Variants in IKZF3 observed in about 807,000 individuals in gnomAD.
IKZF3 encodes the protein IKAROS family zinc finger 3.
IKZF3 carries 10 observed loss-of-function variants against 49.0 expected under a neutral mutation model. That is an observed-to-expected ratio of 0.20 (90% CI 0.13 to 0.35). The LOEUF (loss-of-function observed/expected upper bound fraction) is 0.35, where lower values mean the gene tolerates loss of function less well. IKZF3 is among the 10% of genes least tolerant of loss of function. IKZF3 has a pLI of 1.00. For missense variants in IKZF3, 498 were observed against 664.8 expected (o/e 0.75, Z 2.76); for synonymous variants, 209 against 228.2 (o/e 0.92, Z 0.76).
intron 7 of IKZF3, among the ~76,000 whole-genome samples, chr17:39,773,610 T>C (rs1449758923): frequency 7.9e-5 from 12 of 152,162 alleles, no homozygotes; most frequent in Admixed American, 7.9e-4. Context: ...AAGTAATACA[T>C]AAAACTTTTA....
chr17:39,770,499 A>T (rs1484492344), intron 7 of IKZF3, among the ~76,000 whole-genome samples: 2 of 152,072 alleles, frequency 1.3e-5, no homozygotes, highest in Non-Finnish European at 2.9e-5. Context: ...AACTGATGCA[A>T]TGTGGTGAGG....
intron 3 of IKZF3, among the ~76,000 whole-genome samples, chr17:39,819,456 C>G (rs1226046689): frequency 6.6e-6 from 1 of 152,062 alleles, no homozygotes; most frequent in Non-Finnish European, 1.5e-5. Flanking sequence ...GAAGCTGATA[C>G]AACATCATAT....
At chr17:39,857,529 G>C (rs1234398138) in intron 1 of IKZF3, among the ~76,000 whole-genome samples, 1 of 152,160 alleles carries the variant, frequency 6.6e-6, no homozygotes, top group Non-Finnish European at 1.5e-5. Flanking sequence ...CCAAAAGTTA[G>C]AAGGCATTGT....
At chr17:39,860,061 C>T (rs1333033457) in intron 1 of IKZF3, among the ~76,000 whole-genome samples, 2 of 152,034 alleles carry the variant, frequency 1.3e-5, no homozygotes, top group Non-Finnish European at 2.9e-5. Flanking sequence ...GTGAGACCCC[C>T]ATTTCTACAA....
rs557522804 is a variant in IKZF3, at chr17:39,839,079, C to T, written c.8-6928G>A. Among the ~76,000 whole-genome samples the T allele has an allele frequency of 4.2e-4, 64 of 152,174 alleles. No individual in the cohort carries two copies. The South Asian group carries it at 0.011, about 26-fold the overall frequency. ...CTCCTGGCCTCAAGGAATCCTCTTG[C>T]CTTAGCTTCCCAAAGAGCTGGGATT... On this transcript the variant is annotated intron_variant, in intron 1 of 7. Transcript: ENST00000346872.
chr17:39,847,491 G>T (rs1301901777), intron 1 of IKZF3, among the ~76,000 whole-genome samples: 1 of 151,984 alleles, frequency 6.6e-6, no homozygotes, highest in Non-Finnish European at 1.5e-5. Flanking sequence ...TTTCTTAAAT[G>T]TAGCTGAACT....
intron 3 of IKZF3, among the ~76,000 whole-genome samples, chr17:39,815,162 A>G: frequency 6.6e-6 from 1 of 152,220 alleles, no homozygotes; most frequent in East Asian, 1.9e-4. Flanking sequence ...TAACATATAC[A>G]TGCTCATGAC....
At chr17:39,797,570 G>A (rs144988674) in intron 3 of IKZF3, among the ~76,000 whole-genome samples, 6 of 151,684 alleles carry the variant, frequency 4.0e-5, no homozygotes, top group African/African-American at 9.7e-5. Context: ...CTATAGGCAC[G>A]TGCCACCACA....
In IKZF3 at chr17:39,854,298, G is replaced by T. The variant is rs865936607; in HGVS notation, c.7+9822C>A. On this transcript the variant is annotated intron_variant, in intron 1 of 7. Transcript: ENST00000346872. Reference sequence around the variant, plus strand: ...ATGCAACAGCTAAATGCAGAAGGATGCATGCTGCATCAATTTAAAAAAAAA... The same window carrying T: ...ATGCAACAGCTAAATGCAGAAGGATTCATGCTGCATCAATTTAAAAAAAAA... Among the ~76,000 whole-genome samples, 7 of 151,700 alleles carry T rather than the reference G, an allele frequency of 4.6e-5. No individual in the cohort carries two copies. The South Asian group carries it at 6.2e-4, about 13-fold the overall frequency.
intron 3 of IKZF3, among the ~76,000 whole-genome samples, chr17:39,808,895 G>A (rs1434017196): frequency 6.6e-6 from 1 of 152,184 alleles, no homozygotes; most frequent in African/African-American, 2.4e-5. Flanking sequence ...TCAAATGTCG[G>A]TGGATGGGAG....
intron 7 of IKZF3, among the ~76,000 whole-genome samples, chr17:39,775,404 A>G (rs1329801870): frequency 6.6e-6 from 1 of 152,196 alleles, no homozygotes; most frequent in Non-Finnish European, 1.5e-5. Flanking sequence ...TCTGGTTGCA[A>G]TTGTAGCAAA....
chr17:39,760,922 G>A lies in IKZF3; in HGVS notation c.*4868C>T, dbSNP rs1218837494. The stretch of plus-strand genomic sequence containing the variant: ...TTCCAGCACTTTGGGAGGCTGAGGT[G>A]GGCAGATTGCTTGAGCCCAGGATTT... On this transcript the variant is annotated 3_prime_UTR_variant, in exon 8 of 8. Coordinates refer to ENST00000346872, the MANE Select transcript of IKZF3 (RefSeq NM_012481.5). 1 of 152,106 alleles carries A rather than the reference G, an allele frequency of 6.6e-6. No individual in the cohort carries two copies. The highest frequency in any genetic ancestry group is 1.5e-5 in the Non-Finnish European group (1 of 68,012). 9.4% of individuals were successfully genotyped at this position (152,106 alleles called of 1,614,324 possible).
At chr17:39,790,684 A>G (rs910719139) in intron 5 of IKZF3, among the ~76,000 whole-genome samples, 1 of 152,134 alleles carries the variant, frequency 6.6e-6, no homozygotes, top group Admixed American at 6.5e-5. Flanking sequence ...TATCTTGGTC[A>G]AAATAAGGAG....
rs536571570 is a variant in IKZF3, at chr17:39,761,738, C to T, written c.*4052G>A. On this transcript the variant is annotated 3_prime_UTR_variant, in exon 8 of 8. Transcript: ENST00000346872. ...TTTTTGTTTTAGACAGAGTTTCGCTCTTGTTGCCGAGGCTGGAGTGCAGTG... is the reference window on the plus strand; with the variant it reads ...TTTTTGTTTTAGACAGAGTTTCGCTTTTGTTGCCGAGGCTGGAGTGCAGTG... The T allele has an allele frequency of 6.6e-6, 1 of 152,412 alleles. No homozygotes were observed. Among genetic ancestry groups the T allele is most frequent in the East Asian group, 1.9e-4 (1 of 5,192 alleles). The allele number at this position is 152,412 out of a possible 1,614,324, so 9.4% of individuals were successfully genotyped here. A position where few individuals can be genotyped will look rare whatever the true frequency, so the allele number is the denominator to read the frequency against.
At position 39,805,412 on chromosome 17, in the gene IKZF3, C is replaced by T. The variant is rs537703880; in HGVS notation, c.164-12479G>A. Among the ~76,000 whole-genome samples, 61 of 152,118 alleles carry T rather than the reference C, an allele frequency of 4.0e-4. 2 individuals are homozygous for T. In the South Asian group the frequency reaches 0.013, roughly 32 times the overall value. ...TCTAACTCAAGGTATAACAATCAGA[C>T]CCAAAGCGTATAAAGGATTCTTGGA... On this transcript the variant is annotated intron_variant, in intron 3 of 7. Coordinates refer to ENST00000346872, the MANE Select transcript of IKZF3 (RefSeq NM_012481.5).
At chr17:39,778,320 T>C (rs74407314) in intron 6 of IKZF3, 1 of 284,806 alleles carries the variant, frequency 3.5e-6, no homozygotes, top group Non-Finnish European at 5.3e-6. Flanking sequence ...TTTTTTTTTT[T>C]CAGCACGCTC....
intron 6 of IKZF3, among the ~76,000 whole-genome samples, chr17:39,785,424 C>A (rs2060851035): frequency 6.6e-6 from 1 of 152,122 alleles, no homozygotes; most frequent in African/African-American, 2.4e-5. Context: ...GTGCACGCAT[C>A]CACCAAACCA....
In IKZF3 at chr17:39,811,355, CAGAA is replaced by C. The variant is rs1281284453; in HGVS notation, c.163+18028_163+18031del. Among the ~76,000 whole-genome samples, 6 of 129,530 alleles carry C rather than the reference CAGAA, an allele frequency of 4.6e-5. No individual in the cohort carries two copies. In the East Asian group the frequency reaches 1.1e-3, roughly 24 times the overall value. 85.0% of individuals were successfully genotyped at this position (129,530 alleles called of 152,430 possible). ...AGAAAGAAAGAAAGGGAAAGAAAGA[CAGAA>C]AGGGAAAGAAAGAAGGAAGGAAGGA... is the stretch of plus-strand genomic sequence containing the variant. On this transcript the variant is annotated intron_variant, in intron 3 of 7. Transcript: ENST00000346872.
Position 39,788,319 on chromosome 17 carries a change from G to A in IKZF3, c.648C>T (p.Ser216=). The A allele has an allele frequency of 6.2e-7, 1 of 1,613,912 alleles. No individual in the cohort carries two copies. The highest frequency in any genetic ancestry group is 8.5e-7 in the Non-Finnish European group (1 of 1,179,916). Residue 216 remains serine, a synonymous_variant, in exon 6 of 8, where the codon TCC becomes TCT. Coordinates refer to ENST00000346872, the MANE Select transcript of IKZF3 (RefSeq NM_012481.5). The part of the protein sequence containing the change: ...FCGRSYKQRS[S]LEEHKERCRT... ...GGCAGCGCTCCTTGTGCTCCTCAAG[G>A]GAACTTCTCTGCTTGTAACTCCTTC... is the stretch of plus-strand genomic sequence containing the variant.
Sources: allele counts gnomAD v4.1 joint callset (sites outside exome capture counted in the v4.1 genomes callset), GRCh38; gene constraint gnomAD v4.1.1; transcripts MANE v1.5; gene names NCBI Gene and HGNC (gene_info 2026-07-23, HGNC 2026-07-21).